The following CEP170B variants were observed in gnomAD, a reference collection of about 807,000 sequenced individuals.
CEP170B encodes the protein centrosomal protein of 170 kDa protein B.
Under a neutral mutation model 120.6 loss-of-function variants are expected in CEP170B, and 55 were observed. The observed-to-expected ratio is 0.46, with a 90% CI of 0.37 to 0.57. The LOEUF (loss-of-function observed/expected upper bound fraction) is 0.57. Ranked by LOEUF, CEP170B falls within the 20% of genes least tolerant of loss-of-function variation. CEP170B has a pLI of 0.00. For synonymous variants in CEP170B, 1,033 were observed against 954.5 expected, an observed-to-expected ratio of 1.08 and a Z score of -1.52; for missense variants, 2,212 against 2,253.3, an observed-to-expected ratio of 0.98 and a Z score of 0.37.
At position 104,868,528 on chromosome 14, in the gene CEP170B, G is replaced by A. The variant is rs1321756437; in HGVS notation, c.78G>A (p.Gly26=). ...HRLPRELIFV[G]REECELMLQS... ...TCCCTCGGGAGCTCATCTTCGTGGG[G>A]CGTGAGGAGTGTGAGCTCATGCTAC... The change falls in exon 2 of 19, where the codon GGG becomes GGA. Residue 26 remains glycine (G), a synonymous_variant. Coordinates refer to ENST00000414716, the MANE Select transcript of CEP170B (RefSeq NM_001112726.3). This position sits in a 1 kb window ranked among gnomAD's most constrained non-coding sequence, Gnocchi z 5.9. 1.9e-6 allele frequency: 3 copies of A among 1,549,830 alleles called. No homozygotes were observed. Among genetic ancestry groups the A allele is most frequent in the Non-Finnish European group, 2.6e-6 (3 of 1,146,910 alleles).
chr14:104,896,526 A>T lies in CEP170B; in HGVS notation c.*1568A>T, dbSNP rs1897081863. Reference sequence around the variant, plus strand: ...TCCCACCCCTCGGCAGTGGCTGTGCAATGTTTTAAGTTCACAAGTTCCTGC... The same window carrying T: ...TCCCACCCCTCGGCAGTGGCTGTGCTATGTTTTAAGTTCACAAGTTCCTGC... On this transcript the variant is annotated 3_prime_UTR_variant, in exon 19 of 19. Coordinates refer to ENST00000414716, the MANE Select transcript of CEP170B (RefSeq NM_001112726.3). 2.2e-6 allele frequency: 1 copy of T among 452,776 alleles called. No homozygotes were observed. Among genetic ancestry groups the T allele is most frequent in the Non-Finnish European group, 4.4e-6 (1 of 225,494 alleles). 28.0% of individuals were successfully genotyped at this position (452,776 alleles called of 1,614,324 possible).
chr14:104,867,309 C>T lies in CEP170B; in HGVS notation c.-27-1115C>T, dbSNP rs1380425760. On this transcript the variant is annotated intron_variant, in intron 1 of 18. Transcript: ENST00000414716. This position sits in a 1 kb window ranked among gnomAD's most constrained non-coding sequence, Gnocchi z 5.4. ...AGCGTTCATGGGCTCACTTCCACCC[C>T]TGTCCTGCTGAGCCTGGAGGCTGCC... Among the ~76,000 whole-genome samples, 1 of 152,184 alleles carries T rather than the reference C, an allele frequency of 6.6e-6. No individual in the cohort carries two copies. The highest frequency in any genetic ancestry group is 1.5e-5 in the Non-Finnish European group (1 of 68,018).
chr14:104,868,667 C>A lies in CEP170B; in HGVS notation c.105+112C>A. ...GCAGGCCACCCTGGCGAGGAGGCCG[C>A]CATGCAGCCCAGGCTGGGCCTCTTA... On this transcript the variant is annotated intron_variant, in intron 2 of 18. Coordinates refer to ENST00000414716, the MANE Select transcript of CEP170B (RefSeq NM_001112726.3). This position sits in a 1 kb window ranked among gnomAD's most constrained non-coding sequence, Gnocchi z 5.9. The A allele has an allele frequency of 9.8e-7, 1 of 1,019,686 alleles. No individual in the cohort carries two copies. The highest frequency in any genetic ancestry group is 1.6e-5 in the African/African-American group (1 of 62,576). The allele number at this position is 1,019,686 out of a possible 1,614,324, so 63.2% of individuals were successfully genotyped here. A position where few individuals can be genotyped will look rare whatever the true frequency, so the allele number is the denominator to read the frequency against.
At position 104,883,824 on chromosome 14, in the gene CEP170B, C is replaced by G. The variant is rs1236226456; in HGVS notation, c.1052-7C>G. 1 of 1,536,102 alleles carries G rather than the reference C, an allele frequency of 6.5e-7. No homozygotes were observed. On this transcript the variant is annotated splice_region_variant and splice_polypyrimidine_tract_variant and intron_variant, in intron 8 of 18. Transcript: ENST00000414716. ...CCTGACAAGGTGGGGTCCCCTGTCT[C>G]CCCCAGGCCACAAGCACGAGGACGG...
Position 104,893,249 on chromosome 14 carries a change from T to C in CEP170B, c.4038+114T>C, listed in dbSNP as rs1896936458. 9 of 1,276,466 alleles carry C rather than the reference T, an allele frequency of 7.1e-6. No individual in the cohort carries two copies. The South Asian group carries it at 1.4e-4, about 19-fold the overall frequency. The allele number at this position is 1,276,466 out of a possible 1,614,324, so 79.1% of individuals were successfully genotyped here. Reference sequence around the variant, plus strand: ...CTGAGGCCCTGCTGCACATCCCCACTTGGCGAGCTGGAACATGTCCCCCTG... The same window carrying C: ...CTGAGGCCCTGCTGCACATCCCCACCTGGCGAGCTGGAACATGTCCCCCTG... On this transcript the variant is annotated intron_variant, in intron 14 of 18. Coordinates refer to ENST00000414716, the MANE Select transcript of CEP170B (RefSeq NM_001112726.3).
chr14:104,871,873 C>T (rs1895501992), intron 2 of CEP170B, among the ~76,000 whole-genome samples: 1 of 152,204 alleles, frequency 6.6e-6, no homozygotes, highest in African/African-American at 2.4e-5. Flanking sequence ...TGGACCACAG[C>T]AGGTAGACGG....
chr14:104,894,001 C>T (rs999973223), intron 16 of CEP170B, 152 bp downstream of exon 16: 1 of 775,384 alleles, frequency 1.3e-6, no homozygotes, highest in African/African-American at 1.7e-5. Context: ...GTGTATGTGG[C>T]TCCCAGCAGG....
chr14:104,876,437 A>G (rs1189208030), intron 3 of CEP170B, 92 bp downstream of exon 3: 33 of 1,159,578 alleles, frequency 2.8e-5, no homozygotes, highest in East Asian at 2.2e-4. Context: ...CCCCAGTCAT[A>G]GCCCCTCCCT....
In CEP170B at chr14:104,884,203, G is replaced by T. The variant is rs772670141; in HGVS notation, c.1424G>T (p.Arg475Leu). The T allele has an allele frequency of 1.9e-5, 29 of 1,544,266 alleles. No homozygotes were observed. Among genetic ancestry groups the T allele is most frequent in the Non-Finnish European group, 2.5e-5 (29 of 1,147,678 alleles). ...GSLKREKTEE[R>L]LGSPSPASRT... The stretch of plus-strand genomic sequence containing the variant: ...CTCAAGCGGGAGAAGACAGAGGAAC[G>T]GCTGGGCAGCCCCTCGCCCGCCTCC... The change falls in exon 9 of 19, where the codon CGG (arginine) becomes CTG (leucine). Residue 475 changes from arginine (R) to leucine (L), a missense_variant. Arg to Leu is a moderately radical substitution (Grantham distance 102). Transcript: ENST00000414716.
chr14:104,883,751 T>C (rs1025792923), intron 8 of CEP170B, 80 bp from the exon 9 acceptor site: 8 of 1,345,260 alleles, frequency 5.9e-6, no homozygotes, highest in African/African-American at 2.9e-5. Flanking sequence ...AGCTAAGGCA[T>C]GGGGTGATGA....
In CEP170B at chr14:104,883,325, T is replaced by A; in HGVS notation, c.868T>A (p.Phe290Ile). 1.2e-6 allele frequency: 2 copies of A among 1,611,916 alleles called. No homozygotes were observed. Among genetic ancestry groups the A allele is most frequent in the Non-Finnish European group, 1.7e-6 (2 of 1,179,646 alleles). ...KMKIKDHITK[F>I]SLRQRRPPGK... ...GAAGATCAAGGACCATATCACCAAGTTTTCCCTGCGCCAGCGGCGGCCCCC... is the reference window on the plus strand; with the variant it reads ...GAAGATCAAGGACCATATCACCAAGATTTCCCTGCGCCAGCGGCGGCCCCC... The change falls in exon 8 of 19, where the codon TTT becomes ATT. Residue 290 changes from phenylalanine to isoleucine, a missense_variant. By Grantham distance (21) the Phe-to-Ile change is conservative. This residue lies in a region of CEP170B where 2,166 missense variants were observed against 2,166.7 expected (regional missense o/e 1.00). Transcript: ENST00000414716.
Position 104,867,387 on chromosome 14 carries a change from T to C in CEP170B, c.-27-1037T>C, listed in dbSNP as rs989951251. Among the ~76,000 whole-genome samples, 6 of 152,300 alleles carry C rather than the reference T, an allele frequency of 3.9e-5. No individual in the cohort carries two copies. The highest frequency in any genetic ancestry group is 1.4e-4 in the African/African-American group (6 of 41,560). ...CCTCTGTGTTCCCTGTATCCCTCTT[T>C]GCACCTTCTCATAAGCCGTTTCTGT... On this transcript the variant is annotated intron_variant, in intron 1 of 18. Transcript: ENST00000414716. The surrounding 1 kb of genome is among the most constrained non-coding windows in gnomAD (Gnocchi z 5.4).
intron 12 of CEP170B, among the ~76,000 whole-genome samples, chr14:104,888,643 G>A (rs1328244191): frequency 2.0e-5 from 3 of 152,246 alleles, no homozygotes; most frequent in East Asian, 1.9e-4. Flanking sequence ...CCCGCCCGCC[G>A]AGGCAGCTGA....
intron 5 of CEP170B, among the ~76,000 whole-genome samples, chr14:104,879,922 C>T (rs766224634): frequency 7.4e-4 from 113 of 152,254 alleles, no homozygotes; most frequent in Non-Finnish European, 1.5e-3. Context: ...TCCGAGCAGC[C>T]TGGGGTCCCC....
chr14:104,873,281 A>C (rs1402579206), intron 2 of CEP170B, among the ~76,000 whole-genome samples: 1 of 136,470 alleles, frequency 7.3e-6, no homozygotes, highest in Non-Finnish European at 1.6e-5. Flanking sequence ...AAGGAGCCGG[A>C]AGCTGGTGTG....
At chr14:104,889,112 G>A (rs966313003) in intron 12 of CEP170B, among the ~76,000 whole-genome samples, 5 of 152,342 alleles carry the variant, frequency 3.3e-5, no homozygotes, top group African/African-American at 1.2e-4. Flanking sequence ...CCTTGCTTGC[G>A]CTCTGACTGG....
At position 104,887,796 on chromosome 14, in the gene CEP170B, C is replaced by T. The variant is rs779817017; in HGVS notation, c.3557C>T (p.Pro1186Leu). 7.6e-6 allele frequency: 12 copies of T among 1,586,204 alleles called. No homozygotes were observed. The Admixed American group carries it at 2.1e-4, about 28-fold the overall frequency. Residue 1186 changes from proline to leucine, a missense_variant, in exon 12 of 19, where the codon CCC (proline) becomes CTC (leucine). Physicochemically the swap from Pro to Leu is moderately conservative, Grantham distance 98. This residue lies in a region of CEP170B where 2,166 missense variants were observed against 2,166.7 expected (regional missense o/e 1.00). Coordinates refer to ENST00000414716, the MANE Select transcript of CEP170B (RefSeq NM_001112726.3). ...GGCTCCTTCACAGGGACTAGTGACCCCGAGGCAGCCCCTGCCCGCACCAGC... is the reference window on the plus strand; with the variant it reads ...GGCTCCTTCACAGGGACTAGTGACCTCGAGGCAGCCCCTGCCCGCACCAGC... ...RAGSFTGTSD[P>L]EAAPARTSFS...
At chr14:104,889,473 C>T (rs185407302) in intron 12 of CEP170B, 147 bp from the exon 13 acceptor site, 1 of 1,523,462 alleles carries the variant, frequency 6.6e-7, no homozygotes, top group Admixed American at 2.0e-5. Flanking sequence ...CTGAGTGCTG[C>T]TTTGTTCTGT....
Position 104,886,146 on chromosome 14 carries a change from G to A in CEP170B, c.2035+16G>A. The A allele has an allele frequency of 6.6e-7, 1 of 1,522,000 alleles. No homozygotes were observed. Among genetic ancestry groups the A allele is most frequent in the South Asian group, 1.2e-5 (1 of 82,498 alleles). 94.3% of individuals were successfully genotyped at this position (1,522,000 alleles called of 1,614,324 possible). ...GGCCTCACAGGTAAGTGGCTCCAGT[G>A]CTGCGGGGGAGTCGGGCCAGGCCGG... On this transcript the variant is annotated intron_variant, in intron 11 of 18. Coordinates refer to ENST00000414716, the MANE Select transcript of CEP170B (RefSeq NM_001112726.3).
Sources: allele counts gnomAD v4.1 joint callset (sites outside exome capture counted in the v4.1 genomes callset), GRCh38; gene constraint gnomAD v4.1.1; regional missense constraint gnomAD v4.1.1; non-coding constraint Gnocchi (gnomAD v3.1); transcripts MANE v1.5; gene names NCBI Gene and HGNC (gene_info 2026-07-23, HGNC 2026-07-21).